Variants in FAM117A observed in about 807,000 individuals in gnomAD.
FAM117A encodes protein FAM117A.
Under a neutral mutation model 44.1 loss-of-function variants are expected in FAM117A, and 21 were observed. The observed-to-expected ratio is 0.48, with a 90% confidence interval of 0.34 to 0.69. The LOEUF is 0.69. FAM117A is among the 30% of genes least tolerant of loss of function. The pLI is 0.01. For missense variants in FAM117A, 498 were observed against 589.9 expected, an observed-to-expected ratio of 0.84 and a Z score of 1.61; for synonymous variants, 220 against 238.3, an observed-to-expected ratio of 0.92 and a Z score of 0.71.
At chr17:49,773,169 G>T (rs1466742296) in intron 1 of FAM117A, among the ~76,000 whole-genome samples, 1 of 152,206 alleles carries the variant, frequency 6.6e-6, no homozygotes, top group African/African-American at 2.4e-5. Context: ...GCCAGGCGTG[G>T]TGGTGGGCGC....
chr17:49,737,915 A>G (rs1169341442), intron 1 of FAM117A, among the ~76,000 whole-genome samples: 5 of 152,134 alleles, frequency 3.3e-5, no homozygotes, highest in Non-Finnish European at 5.9e-5. Flanking sequence ...TCTATCAGGG[A>G]CACCCTCTGA....
intron 2 of FAM117A, among the ~76,000 whole-genome samples, chr17:49,730,883 G>A (rs1315726497): frequency 6.6e-6 from 1 of 152,186 alleles, no homozygotes; most frequent in East Asian, 1.9e-4. Context: ...TTGATTCAAG[G>A]TGGGGTATTC....
At chr17:49,713,713 T>G (rs942955469) in intron 7 of FAM117A, among the ~76,000 whole-genome samples, 7 of 152,120 alleles carry the variant, frequency 4.6e-5, no homozygotes, top group Admixed American at 6.6e-5. Flanking sequence ...CTCCCTATGT[T>G]GCCCAGGCTG....
At chr17:49,721,565 AAT>A (rs1157883057) in intron 3 of FAM117A, among the ~76,000 whole-genome samples, 1 of 152,196 alleles carries the variant, frequency 6.6e-6, no homozygotes, top group Non-Finnish European at 1.5e-5. Context: ...TGTTCTCAGC[AAT>A]AGAGGGCAGA....
upstream of FAM117A, among the ~76,000 whole-genome samples, chr17:49,764,665 A>G (rs989596109): frequency 3.3e-5 from 5 of 152,244 alleles, no homozygotes; most frequent in Non-Finnish European, 5.9e-5. Flanking sequence ...TTAAATCCTT[A>G]TAGGATCTCA....
At chr17:49,757,755 G>A (rs536760316) in intron 1 of FAM117A, among the ~76,000 whole-genome samples, 1 of 152,328 alleles carries the variant, frequency 6.6e-6, no homozygotes, top group Non-Finnish European at 1.5e-5. Context: ...CTAATGTTTG[G>A]TTAATTCATA....
At chr17:49,740,367 A>G (rs1177537508) in intron 1 of FAM117A, among the ~76,000 whole-genome samples, 1 of 151,768 alleles carries the variant, frequency 6.6e-6, no homozygotes, top group African/African-American at 2.4e-5. Context: ...CTCCTGCCTC[A>G]GCCTCCCGAG....
intron 1 of FAM117A, among the ~76,000 whole-genome samples, chr17:49,761,574 A>G (rs2073722590): frequency 6.6e-6 from 1 of 152,226 alleles, no homozygotes; most frequent in Non-Finnish European, 1.5e-5. Flanking sequence ...CCACACAACT[A>G]GTAAATGGCA....
chr17:49,771,873 T>G (rs1382386902), intron 1 of FAM117A, among the ~76,000 whole-genome samples: 1 of 152,126 alleles, frequency 6.6e-6, no homozygotes, highest in Non-Finnish European at 1.5e-5. Flanking sequence ...TCTTCAAGTC[T>G]GCCTCAAAAC....
At chr17:49,725,782 G>A (rs1484903066) in intron 2 of FAM117A, among the ~76,000 whole-genome samples, 1 of 152,214 alleles carries the variant, frequency 6.6e-6, no homozygotes, top group Non-Finnish European at 1.5e-5. Context: ...TAACGTTTTT[G>A]CAGATGTATT....
At chr17:49,749,859 G>C (rs2073669154) in intron 1 of FAM117A, among the ~76,000 whole-genome samples, 1 of 148,500 alleles carries the variant, frequency 6.7e-6, no homozygotes, top group South Asian at 2.1e-4. Context: ...GGTCTCCTAA[G>C]AGGTGGCCTA....
At chr17:49,754,974 G>GT (rs1218317790) in intron 1 of FAM117A, among the ~76,000 whole-genome samples, 1 of 149,174 alleles carries the variant, frequency 6.7e-6, no homozygotes, top group African/African-American at 2.5e-5. Flanking sequence ...GGAGGTGGAG[G>GT]TTGTGGTGAG....
At chr17:49,755,775 C>T (rs1355112943) in intron 1 of FAM117A, among the ~76,000 whole-genome samples, 1 of 152,110 alleles carries the variant, frequency 6.6e-6, no homozygotes, top group African/African-American at 2.4e-5. Context: ...AGAGGGGGAA[C>T]AGTATGTGGG....
At chr17:49,749,224 T>C (rs958073040) in intron 1 of FAM117A, among the ~76,000 whole-genome samples, 1 of 152,084 alleles carries the variant, frequency 6.6e-6, no homozygotes, top group Non-Finnish European at 1.5e-5. Context: ...CGACTATATA[T>C]ATATGAGGTA....
At chr17:49,772,956 G>A (rs970173204) in intron 1 of FAM117A, among the ~76,000 whole-genome samples, 8 of 152,032 alleles carry the variant, frequency 5.3e-5, no homozygotes, top group Admixed American at 5.2e-4. Flanking sequence ...AGGATCACGA[G>A]GTCAAGAGTT....
At chr17:49,767,041 A>G (rs1217740541), upstream of FAM117A, among the ~76,000 whole-genome samples, 1 of 152,234 alleles carries the variant, frequency 6.6e-6, no homozygotes, top group Non-Finnish European at 1.5e-5. Flanking sequence ...CTGGCAAGAC[A>G]CTAAAGTTGA....
At chr17:49,714,468 G>A (rs1377439500) in intron 7 of FAM117A, among the ~76,000 whole-genome samples, 2 of 151,902 alleles carry the variant, frequency 1.3e-5, no homozygotes, top group African/African-American at 4.8e-5. Flanking sequence ...CTCCTGAGGA[G>A]CTGGGATTAC....
chr17:49,742,635 G>T (rs917538225), intron 1 of FAM117A, among the ~76,000 whole-genome samples: 1 of 152,026 alleles, frequency 6.6e-6, no homozygotes, highest in African/African-American at 2.4e-5. Context: ...AGCATAAATA[G>T]CACATAGCCT....
chr17:49,786,519 GTAATC>G (rs1227935719), intron 1 of FAM117A, among the ~76,000 whole-genome samples: 102 of 151,930 alleles, frequency 6.7e-4, no homozygotes, highest in Admixed American at 1.7e-3. Flanking sequence ...GCTCACACCT[GTAATC>G]CCAGCACTTT....
Sources: gnomAD v4.1 joint callset for allele counts (sites outside exome capture counted in the v4.1 genomes callset) on GRCh38, gnomAD v4.1.1 for gene constraint, MANE v1.5 for transcripts, NCBI Gene and HGNC (gene_info 2026-07-23, HGNC 2026-07-21) for gene names.